Variants in DCAF8L2 observed in about 807,000 individuals in gnomAD.
DCAF8L2 encodes DDB1- and CUL4-associated factor 8-like protein 2.
For missense variants in DCAF8L2, 430 were observed against 490.7 expected, an observed-to-expected ratio of 0.88 and a Z score of 1.17; for synonymous variants, 200 against 190.9, an observed-to-expected ratio of 1.05 and a Z score of -0.39.
At chrX:27,502,331 A>T in the DCAF8L2 span, among the ~76,000 whole-genome samples, 40 of 29,550 alleles carry the variant, frequency 1.4e-3, no homozygotes, top group African/African-American at 4.7e-3. Context: ...AAAAAAAAAA[A>T]AAAAATATAT....
At chrX:27,500,409 A>G in the DCAF8L2 span, among the ~76,000 whole-genome samples, 2 of 112,068 alleles carry the variant, frequency 1.8e-5, no homozygotes, top group Admixed American at 9.5e-5. Context: ...GAGAAATAGT[A>G]TTTAGAAAAG....
intron 1 of DCAF8L2, among the ~76,000 whole-genome samples, chrX:27,625,496 A>G (rs1337749199): frequency 3.6e-5 from 4 of 112,186 alleles, no homozygotes. Flanking sequence ...TGACCCAGCT[A>G]TCTGATTATT....
the DCAF8L2 span, among the ~76,000 whole-genome samples, chrX:27,517,187 C>T: frequency 1.8e-5 from 2 of 111,894 alleles, no homozygotes; most frequent in African/African-American, 6.5e-5. Context: ...ATTAAATGTT[C>T]TAATCTTTTT....
At chrX:27,690,292 T>C (rs188209600) in intron 3 of DCAF8L2, among the ~76,000 whole-genome samples, 1 of 111,320 alleles carries the variant, frequency 9.0e-6, no homozygotes, top group Admixed American at 9.7e-5. Context: ...CTTTGCTAGT[T>C]TGAATATTTA....
chrX:27,747,405 G>A lies in DCAF8L2; in HGVS notation c.510G>A (p.Ala170=), dbSNP rs1252903107. The A allele has an allele frequency of 1.1e-5, 13 of 1,167,652 alleles. No homozygotes were observed. Among genetic ancestry groups the A allele is most frequent in the East Asian group, 9.7e-5 (3 of 30,830 alleles). The stretch of plus-strand genomic sequence containing the variant: ...AGTATTCGTTAGAGGAGGATCAGGC[G>A]CTGGAGGAGTGGGTTTCCTCAGAGA... ...HEQYSLEEDQ[A]LEEWVSSETS... The change falls in exon 5 of 5, where the codon GCG becomes GCA. Residue 170 remains alanine (A), a synonymous_variant. Transcript: ENST00000451261.
intron 2 of DCAF8L2, among the ~76,000 whole-genome samples, chrX:27,644,859 A>G (rs1928879883): frequency 9.0e-6 from 1 of 111,679 alleles, no homozygotes; most frequent in South Asian, 3.8e-4. Flanking sequence ...GGTTCAAGCG[A>G]TTCTCCTGCC....
chrX:27,483,021 A>G, the DCAF8L2 span, among the ~76,000 whole-genome samples: 2 of 111,892 alleles, frequency 1.8e-5, no homozygotes, highest in African/African-American at 3.2e-5. Context: ...ACATAAAACC[A>G]CAAATAGCTG....
intron 4 of DCAF8L2, among the ~76,000 whole-genome samples, chrX:27,731,752 A>G (rs751109896): frequency 1.8e-3 from 203 of 111,744 alleles, no homozygotes; most frequent in Middle Eastern, 9.4e-3. Context: ...TAACCTTTAC[A>G]TAGTGCTCAC....
At chrX:27,664,559 A>G (rs1386260502) in intron 2 of DCAF8L2, among the ~76,000 whole-genome samples, 1 of 112,280 alleles carries the variant, frequency 8.9e-6, no homozygotes, top group Non-Finnish European at 1.9e-5. Flanking sequence ...ATAATTGATG[A>G]AGGTGGCTAC....
chrX:27,523,673 A>AT, the DCAF8L2 span, among the ~76,000 whole-genome samples: 1 of 107,751 alleles, frequency 9.3e-6, no homozygotes, highest in African/African-American at 3.4e-5. Flanking sequence ...AACATGCAGG[A>AT]TTTTTGCATA....
chrX:27,512,983 A>G, the DCAF8L2 span, among the ~76,000 whole-genome samples: 1 of 110,705 alleles, frequency 9.0e-6, no homozygotes, highest in African/African-American at 3.3e-5. Context: ...TGCCAATAAC[A>G]GACATGGAGG....
rs919279708 is a variant in DCAF8L2, at chrX:27,687,577, G to A, written c.-143+9665G>A. On this transcript the variant is annotated intron_variant, in intron 3 of 4. Coordinates refer to ENST00000451261, the MANE Select transcript of DCAF8L2 (RefSeq NM_001353450.2). ...CTAAGGCATTAAGAAATCAGGGCTG[G>A]GCACAGTGGCTCACGCCTGTAAACT... Among the ~76,000 whole-genome samples, 3 of 112,171 alleles carry A rather than the reference G, an allele frequency of 2.7e-5. No individual in the cohort carries two copies. The East Asian group carries it at 8.4e-4, about 31-fold the overall frequency.
chrX:27,718,172 A>G (rs992675419), intron 4 of DCAF8L2, among the ~76,000 whole-genome samples: 2 of 111,768 alleles, frequency 1.8e-5, no homozygotes, highest in Non-Finnish European at 3.8e-5. Flanking sequence ...TCTTTGAATT[A>G]GATTTCCTCC....
At chrX:27,559,246 G>A in the DCAF8L2 span, among the ~76,000 whole-genome samples, 1 of 111,697 alleles carries the variant, frequency 9.0e-6, no homozygotes, top group African/African-American at 3.3e-5. Flanking sequence ...CACGACCTTT[G>A]CTGTAAAGAG....
intron 3 of DCAF8L2, among the ~76,000 whole-genome samples, chrX:27,683,171 T>C (rs1930384971): frequency 8.9e-6 from 1 of 112,125 alleles, no homozygotes; most frequent in Non-Finnish European, 1.9e-5. Flanking sequence ...TTTCTTTTTA[T>C]GACATGAAAC....
chrX:27,497,514 TTCCTTCCTTCC>T, the DCAF8L2 span, among the ~76,000 whole-genome samples: 1 of 42,093 alleles, frequency 2.4e-5, no homozygotes, highest in Admixed American at 2.5e-4. Context: ...CTTTCTTTCC[TTCCTTCCTTCC>T]TTCCTTCCTT....
the DCAF8L2 span, among the ~76,000 whole-genome samples, chrX:27,557,513 T>A: frequency 8.9e-6 from 1 of 112,070 alleles, no homozygotes; most frequent in Admixed American, 9.5e-5. Context: ...CCAGGTTAGA[T>A]TCTATAAGAG....
the DCAF8L2 span, among the ~76,000 whole-genome samples, chrX:27,501,376 G>A: frequency 9.1e-6 from 1 of 109,746 alleles, no homozygotes. Context: ...TTGATTTAGG[G>A]ATAACACATA....
chrX:27,658,069 G>T (rs2147208532), intron 2 of DCAF8L2, among the ~76,000 whole-genome samples: 1 of 112,622 alleles, frequency 8.9e-6, no homozygotes, highest in African/African-American at 3.2e-5. Flanking sequence ...GTATGTTTGT[G>T]TTGGCTTCAT....
Sources: allele counts gnomAD v4.1 joint callset (sites outside exome capture counted in the v4.1 genomes callset), GRCh38; gene constraint gnomAD v4.1.1; transcripts MANE v1.5; gene names NCBI Gene and HGNC (gene_info 2026-07-23, HGNC 2026-07-21).